The following TATDN2 variants were observed in gnomAD, a reference collection of about 807,000 sequenced individuals.
TATDN2 encodes the protein TatD DNase domain containing 2.
Under a neutral mutation model 60.3 loss-of-function variants are expected in TATDN2, and 44 were observed. That is an observed-to-expected ratio of 0.73 (90% CI 0.57 to 0.94). The LOEUF (loss-of-function observed/expected upper bound fraction) is 0.94, where lower values mean the gene tolerates loss of function less well. Among genes scored for constraint, TATDN2 ranks in the 40% least tolerant of loss-of-function variants. The probability of loss-of-function intolerance (pLI) is 0.00; values close to 1 mark genes in which losing one functional copy is unlikely to be tolerated. For missense variants in TATDN2, 997 were observed against 948.0 expected, an observed-to-expected ratio of 1.05 and a Z score of -0.68; for synonymous variants, 399 against 355.8, an observed-to-expected ratio of 1.12 and a Z score of -1.37.
chr3:10,249,794 C>T (rs906921894), intron 2 of TATDN2, among the ~76,000 whole-genome samples, 180 bp downstream of exon 2: 1 of 152,168 alleles, frequency 6.6e-6, no homozygotes, highest in African/African-American at 2.4e-5. Flanking sequence ...GGCGCGTGGC[C>T]TGAAGTTAAG....
intron 3 of TATDN2, among the ~76,000 whole-genome samples, chr3:10,267,610 T>G (rs191548387): frequency 6.6e-6 from 1 of 152,226 alleles, no homozygotes; most frequent in Non-Finnish European, 1.5e-5. Flanking sequence ...TGGGGTCATA[T>G]GTCTCGTTTT....
At chr3:10,251,632 C>T (rs538134865) in intron 2 of TATDN2, among the ~76,000 whole-genome samples, 53 of 152,038 alleles carry the variant, frequency 3.5e-4, no homozygotes, top group Admixed American at 6.5e-4. Context: ...GTGATCTGAC[C>T]GCCTCAGCCT....
chr3:10,249,424 G>C lies in TATDN2; in HGVS notation c.224G>C (p.Arg75Pro). The change falls in exon 2 of 8, where the codon CGC (arginine) becomes CCC (proline). Residue 75 changes from arginine to proline, a missense_variant. Coordinates refer to ENST00000448281, the MANE Select transcript of TATDN2 (RefSeq NM_014760.4). ...CSRRLSWGSS[R>P]RRNNSSSSFS... is the part of the protein sequence containing the mutation. Reference sequence around the variant, plus strand: ...CGGAGGTTATCCTGGGGCTCATCCCGCCGCAGAAATAACTCCTCCTCCTCC... The same window carrying C: ...CGGAGGTTATCCTGGGGCTCATCCCCCCGCAGAAATAACTCCTCCTCCTCC... 6.2e-7 allele frequency: 1 copy of C among 1,613,862 alleles called. No homozygotes were observed. Among genetic ancestry groups the C allele is most frequent in the South Asian group, 1.1e-5 (1 of 91,088 alleles).
At position 10,257,841 on chromosome 3, in the gene TATDN2, ATTTTTTTTTTTTTTTTTT is replaced by A. The variant is rs553265148; in HGVS notation, c.415-2278_415-2261del. Among the ~76,000 whole-genome samples, 42 of 30,314 alleles carry A rather than the reference ATTTTTTTTTTTTTTTTTT, an allele frequency of 1.4e-3. 1 individual carries two copies. Among genetic ancestry groups the A allele is most frequent in the Admixed American group, 6.1e-3 (10 of 1,634 alleles). 19.9% of individuals were successfully genotyped at this position (30,314 alleles called of 152,430 possible). A position where few individuals can be genotyped will look rare whatever the true frequency, so the allele number is the denominator to read the frequency against. ...AAGTATAGATTTCTAAAGGTTTATG[ATTTTTTTTTTTTTTTTTT>A]TTTTTTTTTTTTTTTTTGGGAGATG... On this transcript the variant is annotated intron_variant, in intron 2 of 7. Coordinates refer to ENST00000448281, the MANE Select transcript of TATDN2 (RefSeq NM_014760.4).
chr3:10,260,629 G>C lies in TATDN2; in HGVS notation c.907G>C (p.Glu303Gln). The change falls in exon 3 of 8, where the codon GAG becomes CAG. Residue 303 changes from glutamate to glutamine, a missense_variant. Transcript: ENST00000448281. ...TVIDKCSPPLEFLDDSDSHLE... is the reference protein window; with the variant it reads ...TVIDKCSPPLQFLDDSDSHLE... Reference sequence around the variant, plus strand: ...CATTGACAAATGCTCTCCACCCCTAGAGTTCTTGGATGACTCTGACTCTCA... The same window carrying C: ...CATTGACAAATGCTCTCCACCCCTACAGTTCTTGGATGACTCTGACTCTCA... 1 of 1,614,126 alleles carries C rather than the reference G, an allele frequency of 6.2e-7. No homozygotes were observed. Among genetic ancestry groups the C allele is most frequent in the South Asian group, 1.1e-5 (1 of 91,080 alleles).
At chr3:10,253,386 A>G (rs1698259314) in intron 2 of TATDN2, among the ~76,000 whole-genome samples, 1 of 152,156 alleles carries the variant, frequency 6.6e-6, no homozygotes, top group Non-Finnish European at 1.5e-5. Context: ...GTGCCAGGTC[A>G]CAGAATATTC....
chr3:10,276,681 C>T (rs1321301578), intron 5 of TATDN2, among the ~76,000 whole-genome samples, 193 bp downstream of exon 5: 1 of 152,090 alleles, frequency 6.6e-6, no homozygotes, highest in Admixed American at 6.5e-5. Flanking sequence ...CTCTGCCTCC[C>T]GGGTTCAAAC....
At chr3:10,255,552 C>T (rs1156955448) in intron 2 of TATDN2, among the ~76,000 whole-genome samples, 3 of 151,928 alleles carry the variant, frequency 2.0e-5, no homozygotes, top group African/African-American at 7.3e-5. Flanking sequence ...TCTTGGTCTT[C>T]ACAACCAGAG....
chr3:10,259,126 C>G (rs1317650793), intron 2 of TATDN2, among the ~76,000 whole-genome samples: 1 of 152,300 alleles, frequency 6.6e-6, no homozygotes, highest in East Asian at 1.9e-4. Context: ...CCTGTCTTGG[C>G]CTCCCAAAGT....
chr3:10,271,111 A>G, intron 4 of TATDN2, 96 bp downstream of exon 4: 1 of 1,453,818 alleles, frequency 6.9e-7, no homozygotes, highest in South Asian at 1.5e-5. Context: ...GAAGTAAATA[A>G]TTGAGAATCC....
At position 10,249,535 on chromosome 3, in the gene TATDN2, C is replaced by T. The variant is rs1698189803; in HGVS notation, c.335C>T (p.Ser112Leu). 1 of 1,596,136 alleles carries T rather than the reference C, an allele frequency of 6.3e-7. No individual in the cohort carries two copies. Among genetic ancestry groups the T allele is most frequent in the Non-Finnish European group, 8.5e-7 (1 of 1,171,686 alleles). The change falls in exon 2 of 8, where the codon TCA (serine) becomes TTA (leucine). Residue 112 changes from serine to leucine, a missense_variant. By Grantham distance (145) the Ser-to-Leu change is moderately radical. Coordinates refer to ENST00000448281, the MANE Select transcript of TATDN2 (RefSeq NM_014760.4). ...CGGAACACTCGGGGGTTCCTGTCTT[C>T]AGGGGGATCCCCTCTGCGTCCTGCC... Reference protein sequence around the residue: ...LIRNTRGFLSSGGSPLRPANA... With the variant: ...LIRNTRGFLSLGGSPLRPANA...
chr3:10,250,366 T>TAG, intron 2 of TATDN2, among the ~76,000 whole-genome samples: 1 of 151,974 alleles, frequency 6.6e-6, no homozygotes, highest in Admixed American at 6.6e-5. Context: ...TTCTAGGTGT[T>TAG]TGGGATTCTT....
At chr3:10,254,055 C>G (rs1427857861) in intron 2 of TATDN2, among the ~76,000 whole-genome samples, 5 of 152,210 alleles carry the variant, frequency 3.3e-5, no homozygotes, top group Non-Finnish European at 5.9e-5. Context: ...CAGTAAAGCA[C>G]TGGGTATTGA....
chr3:10,278,880 T>G lies in TATDN2; in HGVS notation c.2146-5T>G, dbSNP rs1236682641. Reference sequence around the variant, plus strand: ...ATGATGTTATGACCACTTGATGTCTTCCAGGTTCCCAAAAGCCTTTGCCAG... The same window carrying G: ...ATGATGTTATGACCACTTGATGTCTGCCAGGTTCCCAAAAGCCTTTGCCAG... On this transcript the variant is annotated splice_region_variant and splice_polypyrimidine_tract_variant and intron_variant, in intron 6 of 7. Transcript: ENST00000448281. The surrounding 1 kb of genome is among the most constrained non-coding windows in gnomAD (Gnocchi z 4.7). 6.2e-7 allele frequency: 1 copy of G among 1,614,038 alleles called. No homozygotes were observed. Among genetic ancestry groups the G allele is most frequent in the South Asian group, 1.1e-5 (1 of 91,066 alleles).
Position 10,280,779 on chromosome 3 carries a change from G to C in TATDN2, c.*1597G>C, listed in dbSNP as rs1698724750. ...CAGATTGGCCCATGTGGGAAGTCGG[G>C]GGGGACCTGATTTCCTGCTTGGAAG... On this transcript the variant is annotated 3_prime_UTR_variant, in exon 8 of 8. Coordinates refer to ENST00000448281, the MANE Select transcript of TATDN2 (RefSeq NM_014760.4). The C allele has an allele frequency of 1.3e-5, 2 of 153,978 alleles. No individual in the cohort carries two copies. Among genetic ancestry groups the C allele is most frequent in the Admixed American group, 6.5e-5 (1 of 15,276 alleles). 9.5% of individuals were successfully genotyped at this position (153,978 alleles called of 1,614,324 possible).
chr3:10,276,517 A>G (rs1698640007), intron 5 of TATDN2, 29 bp downstream of exon 5: 4 of 1,609,174 alleles, frequency 2.5e-6, no homozygotes, highest in Non-Finnish European at 3.4e-6. Flanking sequence ...CAGCGGGCAA[A>G]TGAAAGAAAC....
At chr3:10,271,652 T>C (rs1176066906) in intron 4 of TATDN2, among the ~76,000 whole-genome samples, 3 of 152,022 alleles carry the variant, frequency 2.0e-5, no homozygotes, top group Non-Finnish European at 2.9e-5. Context: ...TGAAAAAATA[T>C]GAAAAAATGC....
At chr3:10,261,817 A>G (rs1698409000) in intron 3 of TATDN2, among the ~76,000 whole-genome samples, 1 of 152,208 alleles carries the variant, frequency 6.6e-6, no homozygotes, top group Non-Finnish European at 1.5e-5. Context: ...ATGTCTGAGG[A>G]CTTCTTGCTT....
At chr3:10,255,953 TTA>T (rs1185561460) in intron 2 of TATDN2, among the ~76,000 whole-genome samples, 1 of 152,096 alleles carries the variant, frequency 6.6e-6, no homozygotes, top group South Asian at 2.1e-4. Context: ...AAAATAGAAT[TTA>T]TGACTCCAGT....
Sources: allele counts gnomAD v4.1 joint callset (sites outside exome capture counted in the v4.1 genomes callset), GRCh38; gene constraint gnomAD v4.1.1; non-coding constraint Gnocchi (gnomAD v3.1); transcripts MANE v1.5; gene names NCBI Gene and HGNC (gene_info 2026-07-23, HGNC 2026-07-21).